Variants in KIRREL2 observed in about 807,000 individuals in gnomAD.
KIRREL2 encodes kin of IRRE-like protein 2.
KIRREL2 carries 56 observed loss-of-function variants against 73.4 expected under a neutral mutation model. The ratio of observed to expected loss-of-function variants is 0.76; its 90% CI spans 0.62 to 0.95. The LOEUF (loss-of-function observed/expected upper bound fraction) is 0.95, where lower values mean the gene tolerates loss of function less well. Among genes scored for constraint, KIRREL2 ranks in the 40% least tolerant of loss-of-function variants. The pLI is 0.00. For synonymous variants in KIRREL2, 407 were observed against 404.0 expected, an observed-to-expected ratio of 1.01 and a Z score of -0.09; for missense variants, 896 against 935.0, an observed-to-expected ratio of 0.96 and a Z score of 0.54.
intron 14 of KIRREL2, among the ~76,000 whole-genome samples, chr19:35,865,171 T>C (rs1278464472): frequency 5.7e-5 from 3 of 52,628 alleles, no homozygotes; most frequent in Admixed American, 5.4e-4. Context: ...ATTCTCTCTC[T>C]TCTTTTTTTT....
intron 2 of KIRREL2, among the ~76,000 whole-genome samples, chr19:35,858,075 A>C (rs1166622169): frequency 6.6e-6 from 1 of 152,000 alleles, no homozygotes; most frequent in East Asian, 1.9e-4. Context: ...AGACACACAC[A>C]GCCAATACCC....
chr19:35,851,978 GT>G, upstream of KIRREL2: 2 of 723,974 alleles, frequency 2.8e-6, no homozygotes, highest in Non-Finnish European at 4.9e-6. Flanking sequence ...TCCCTTTCTC[GT>G]TTTCCTCTTC....
At chr19:35,854,390 C>T (rs914422972), upstream of KIRREL2, among the ~76,000 whole-genome samples, 2 of 148,032 alleles carry the variant, frequency 1.4e-5, no homozygotes, top group African/African-American at 5.0e-5. Context: ...AGTGTGATCT[C>T]GGCTCACTGC....
In KIRREL2 at chr19:35,857,488, C is replaced by G; in HGVS notation, c.205C>G (p.Leu69Val). 1 of 1,590,424 alleles carries G rather than the reference C, an allele frequency of 6.3e-7. No individual in the cohort carries two copies. Among genetic ancestry groups the G allele is most frequent in the Non-Finnish European group, 8.5e-7 (1 of 1,169,938 alleles). ...GCTGGCCCTAGGGGGCCAAAGGGAC[C>G]TACCAGGTAAGAGTGTTCTCTCCAC... Reference protein sequence around the residue: ...SGLALGGQRDLPGWSRYWISG... With the variant: ...SGLALGGQRDVPGWSRYWISG... Residue 69 changes from leucine (L) to valine (V), a missense_variant, in exon 2 of 15, where the codon CTA (leucine) becomes GTA (valine). Coordinates refer to ENST00000360202, the MANE Select transcript of KIRREL2 (RefSeq NM_199180.4).
Position 35,860,565 on chromosome 19 carries a change from T to G in KIRREL2, c.826T>G (p.Leu276Val). Reference sequence around the variant, plus strand: ...GGTGCTCGGGGCCCGCGGGCCAAGGTTAGAGGTCGTGGCAGACGCCTCGTT... The same window carrying G: ...GGTGCTCGGGGCCCGCGGGCCAAGGGTAGAGGTCGTGGCAGACGCCTCGTT... The part of the protein sequence containing the change: ...SPVLGARGPR[L>V]EVVADASFLT... Residue 276 changes from leucine (L) to valine (V), a missense_variant, in exon 7 of 15, where the codon TTA becomes GTA. Coordinates refer to ENST00000360202, the MANE Select transcript of KIRREL2 (RefSeq NM_199180.4). 1 of 1,603,308 alleles carries G rather than the reference T, an allele frequency of 6.2e-7. No individual in the cohort carries two copies. The highest frequency in any genetic ancestry group is 8.5e-7 in the Non-Finnish European group (1 of 1,179,890).
intron 13 of KIRREL2, among the ~76,000 whole-genome samples, chr19:35,864,331 A>G (rs756081326): frequency 3.3e-5 from 5 of 152,106 alleles, no homozygotes; most frequent in African/African-American, 4.8e-5. Context: ...CTGAAATTAC[A>G]GGTGCCTGCC....
intron 12 of KIRREL2, 120 bp downstream of exon 12, chr19:35,862,717 G>A (rs1973760748): frequency 1.3e-6 from 1 of 797,290 alleles, no homozygotes; most frequent in Middle Eastern, 3.3e-4. Flanking sequence ...TCTGCACAGG[G>A]CTTAGCTCTC....
intron 2 of KIRREL2, among the ~76,000 whole-genome samples, chr19:35,857,969 G>A (rs1973499336): frequency 6.7e-6 from 1 of 149,558 alleles, no homozygotes; most frequent in Non-Finnish European, 1.5e-5. Context: ...CTGCACTTCA[G>A]GCAATGGTGA....
chr19:35,859,230 G>A (rs527423241), intron 4 of KIRREL2, among the ~76,000 whole-genome samples: 2 of 152,314 alleles, frequency 1.3e-5, no homozygotes, highest in South Asian at 2.1e-4. Context: ...ATATAAGTAA[G>A]GCAAGCTTGT....
chr19:35,856,382 A>C (rs1973425266), upstream of KIRREL2, among the ~76,000 whole-genome samples: 1 of 152,210 alleles, frequency 6.6e-6, no homozygotes, highest in South Asian at 2.1e-4. The surrounding 1 kb of genome is among the most constrained non-coding windows in gnomAD (Gnocchi z 5.9). Flanking sequence ...GACGTGCTGT[A>C]GTTTGCAGCA....
upstream of KIRREL2, chr19:35,851,887 CGTCT>C: frequency 6.6e-7 from 1 of 1,514,314 alleles, no homozygotes; most frequent in Non-Finnish European, 9.0e-7. Flanking sequence ...CAGCCACCTG[CGTCT>C]GTCTGGCTTT....
At position 35,866,234 on chromosome 19, in the gene KIRREL2, C is replaced by T. The variant is rs1973958921; in HGVS notation, c.1869C>T (p.Leu623=). ...TTGGCGAAGCCCCTGGAGGAGGTCT[C>T]TTCCTGCCACCACCCTCCCCCCTTG... ...LSLGEAPGGG[L]FLPPPSPLGP... The change falls in exon 15 of 15, where the codon CTC becomes CTT. Residue 623 remains leucine (L), a synonymous_variant. Coordinates refer to ENST00000360202, the MANE Select transcript of KIRREL2 (RefSeq NM_199180.4). 4 of 1,611,780 alleles carry T rather than the reference C, an allele frequency of 2.5e-6. No homozygotes were observed. In the East Asian group the frequency reaches 8.9e-5, roughly 36 times the overall value.
chr19:35,852,185 T>C (rs906349920), upstream of KIRREL2, among the ~76,000 whole-genome samples: 3 of 150,480 alleles, frequency 2.0e-5, no homozygotes, highest in African/African-American at 7.3e-5. Context: ...CACCTTGGCC[T>C]CCCCAAGTGT....
At chr19:35,859,072 T>C (rs1195518161) in intron 4 of KIRREL2, among the ~76,000 whole-genome samples, 1 of 152,228 alleles carries the variant, frequency 6.6e-6, no homozygotes, top group South Asian at 2.1e-4. Context: ...TGATTGATCT[T>C]GAGTAAGTTA....
chr19:35,851,818 A>C (rs765269906), upstream of KIRREL2: 14 of 1,552,318 alleles, frequency 9.0e-6, no homozygotes, highest in South Asian at 1.7e-4. Flanking sequence ...AGAAGCCCTG[A>C]GCGTCGTCCC....
At chr19:35,852,086 CTTTTTTTTTTCTT>C (rs1282268618), upstream of KIRREL2, among the ~76,000 whole-genome samples, 20 of 141,042 alleles carry the variant, frequency 1.4e-4, no homozygotes, top group African/African-American at 5.0e-4. Context: ...TTTCTTTTTT[CTTTTTTTTTTCTT>C]TTTTTTTTTT....
At position 35,857,495 on chromosome 19, in the gene KIRREL2, G is replaced by C; in HGVS notation, c.211+1G>C. 3 of 1,578,056 alleles carry C rather than the reference G, an allele frequency of 1.9e-6. No individual in the cohort carries two copies. The highest frequency in any genetic ancestry group is 2.6e-6 in the Non-Finnish European group (3 of 1,163,646). On this transcript the variant is annotated splice_donor_variant, in intron 2 of 14. Coordinates refer to ENST00000360202, the MANE Select transcript of KIRREL2 (RefSeq NM_199180.4). LOFTEE classifies it high-confidence loss of function. ...CTAGGGGGCCAAAGGGACCTACCAGGTAAGAGTGTTCTCTCCACGCTGGGA... is the reference window on the plus strand; with the variant it reads ...CTAGGGGGCCAAAGGGACCTACCAGCTAAGAGTGTTCTCTCCACGCTGGGA...
intron 2 of KIRREL2, 91 bp from the exon 3 acceptor site, chr19:35,858,317 C>T: frequency 6.8e-7 from 1 of 1,471,100 alleles, no homozygotes; most frequent in Non-Finnish European, 9.3e-7. Context: ...AATGTGTGGG[C>T]CAGTTTTCTG....
intron 7 of KIRREL2, 56 bp downstream of exon 7, chr19:35,860,723 G>C: frequency 6.3e-7 from 1 of 1,595,826 alleles, no homozygotes; most frequent in Non-Finnish European, 8.5e-7. Context: ...TTTCAGGGCT[G>C]TTGAGGGTCG....
Sources: gnomAD v4.1 joint callset for allele counts (sites outside exome capture counted in the v4.1 genomes callset) on GRCh38, gnomAD v4.1.1 for gene constraint, Gnocchi (gnomAD v3.1) non-coding constraint, MANE v1.5 for transcripts, NCBI Gene and HGNC (gene_info 2026-07-23, HGNC 2026-07-21) for gene names.